Variants in SLF1 observed in about 807,000 individuals in gnomAD.
The protein encoded by SLF1 is SMC5/6 complex localization factor 1, also known as SMC5-SMC6 complex localization factor protein 1.
A neutral mutation model predicts 123.0 loss-of-function variants in SLF1; 105 were observed. The ratio of observed to expected loss-of-function variants is 0.85; its 90% CI spans 0.73 to 1.00. The LOEUF is 1.00. Among genes scored for constraint, SLF1 ranks in the 50% least tolerant of loss-of-function variants. The pLI is 0.00. For missense variants in SLF1, 1,239 were observed against 1,223.0 expected (o/e 1.01, Z -0.20); for synonymous variants, 434 against 406.6 (o/e 1.07, Z -0.81).
At chr5:94,639,615 T>C (rs964322440) in intron 4 of SLF1, among the ~76,000 whole-genome samples, 3 of 152,206 alleles carry the variant, frequency 2.0e-5, no homozygotes, top group African/African-American at 4.8e-5. Flanking sequence ...CATGTATAAC[T>C]TGACTCCCCA....
chr5:94,685,007 G>A (rs1244591436), intron 15 of SLF1, among the ~76,000 whole-genome samples: 1 of 152,226 alleles, frequency 6.6e-6, no homozygotes, highest in Admixed American at 6.5e-5. Context: ...GATGCCAATA[G>A]CATCCCTTTC....
chr5:94,663,650 A>G, intron 10 of SLF1, 100 bp from the exon 11 acceptor site: 1 of 1,071,052 alleles, frequency 9.3e-7, no homozygotes, highest in South Asian at 1.8e-5. Flanking sequence ...GTCTCAAATG[A>G]ATGAATGAAT....
Position 94,671,009 on chromosome 5 carries a change from G to A in SLF1, c.1827+1G>A. 1 of 1,515,568 alleles carries A rather than the reference G, an allele frequency of 6.6e-7. No individual in the cohort carries two copies. The allele number at this position is 1,515,568 out of a possible 1,614,324, so 93.9% of individuals were successfully genotyped here. ...CAAGGAAAAATTCAAGTCTAATGAT[G>A]TAAGTAGGATTAATTTATAGATGAA... On this transcript the variant is annotated splice_donor_variant, in intron 14 of 20. Coordinates refer to ENST00000265140, the MANE Select transcript of SLF1 (RefSeq NM_032290.4). LOFTEE classifies it high-confidence loss of function.
At chr5:94,634,072 G>T (rs1745490955) in intron 4 of SLF1, among the ~76,000 whole-genome samples, 1 of 151,886 alleles carries the variant, frequency 6.6e-6, no homozygotes, top group South Asian at 2.1e-4. Flanking sequence ...TTGACCCATT[G>T]ATTATTTACA....
chr5:94,628,499 A>G (rs145871668), intron 1 of SLF1, among the ~76,000 whole-genome samples: 387 of 152,346 alleles, frequency 2.5e-3, no homozygotes, highest in South Asian at 4.3e-3. Context: ...ATAACATTCT[A>G]TCATTTTCTG....
intron 9 of SLF1, among the ~76,000 whole-genome samples, chr5:94,657,590 T>A (rs545850688): frequency 2.0e-5 from 3 of 152,066 alleles, no homozygotes; most frequent in Non-Finnish European, 4.4e-5. Flanking sequence ...CAATGTCTGT[T>A]TTTTGATTTT....
chr5:94,633,313 C>G (rs1011401279), intron 4 of SLF1, among the ~76,000 whole-genome samples: 28 of 152,246 alleles, frequency 1.8e-4, no homozygotes, highest in African/African-American at 6.5e-4. Context: ...AATGTTAAAC[C>G]AAACTTGTAT....
chr5:94,649,452 A>G lies in SLF1; in HGVS notation c.595-2A>G. 1 of 1,492,654 alleles carries G rather than the reference A, an allele frequency of 6.7e-7. No individual in the cohort carries two copies. Among genetic ancestry groups the G allele is most frequent in the Non-Finnish European group, 9.0e-7 (1 of 1,107,940 alleles). 92.5% of individuals were successfully genotyped at this position (1,492,654 alleles called of 1,614,324 possible). A position where few individuals can be genotyped will look rare whatever the true frequency, so the allele number is the denominator to read the frequency against. ...GCCTAAACCATTTTTACATACATAC[A>G]GAAAGAAATTCAGAATGATGAAGAT... On this transcript the variant is annotated splice_acceptor_variant, in intron 5 of 20. Transcript: ENST00000265140. LOFTEE classifies it high-confidence loss of function.
intron 7 of SLF1, 90 bp from the exon 8 acceptor site, chr5:94,653,182 T>C: frequency 2.4e-6 from 3 of 1,247,696 alleles, no homozygotes; most frequent in Non-Finnish European, 3.3e-6. Flanking sequence ...TTAATGTGTA[T>C]GAAAGTATGA....
chr5:94,631,136 A>G (rs977892250), intron 4 of SLF1, among the ~76,000 whole-genome samples: 7 of 151,622 alleles, frequency 4.6e-5, no homozygotes, highest in African/African-American at 1.5e-4. Flanking sequence ...TTTCATCATA[A>G]TTTTATTTCA....
intron 4 of SLF1, among the ~76,000 whole-genome samples, chr5:94,640,545 TATG>T (rs1352552126): frequency 6.6e-6 from 1 of 152,178 alleles, no homozygotes; most frequent in Non-Finnish European, 1.5e-5. Context: ...TTTTATTAAA[TATG>T]ATACTCTCCA....
At chr5:94,661,747 G>C (rs935515777) in intron 9 of SLF1, among the ~76,000 whole-genome samples, 2 of 152,070 alleles carry the variant, frequency 1.3e-5, no homozygotes. Context: ...ATGTTGGCCA[G>C]GCTGTTCTCA....
intron 14 of SLF1, among the ~76,000 whole-genome samples, chr5:94,673,482 C>A (rs61136862): frequency 6.6e-6 from 1 of 151,912 alleles, no homozygotes; most frequent in Admixed American, 6.6e-5. Context: ...CAAGACCAGT[C>A]TGAGCAACAT....
At chr5:94,679,117 G>A (rs1751456930) in intron 15 of SLF1, among the ~76,000 whole-genome samples, 162 bp downstream of exon 15, 1 of 152,156 alleles carries the variant, frequency 6.6e-6, no homozygotes, top group Non-Finnish European at 1.5e-5. Context: ...ACAATATAAA[G>A]AGGAAGATTT....
chr5:94,650,294 C>G (rs1182536773), intron 6 of SLF1, among the ~76,000 whole-genome samples: 3 of 150,832 alleles, frequency 2.0e-5, no homozygotes, highest in African/African-American at 7.3e-5. Context: ...AGAAGAAATT[C>G]AAAATAAATT....
At chr5:94,662,164 T>C (rs1249728181) in intron 9 of SLF1, 134 bp from the exon 10 acceptor site, 6 of 565,548 alleles carry the variant, frequency 1.1e-5, no homozygotes, top group Non-Finnish European at 1.7e-5. Flanking sequence ...TGAGTAAATA[T>C]GAGTATCATA....
chr5:94,630,075 A>G (rs2152466838), intron 3 of SLF1, among the ~76,000 whole-genome samples: 1 of 152,358 alleles, frequency 6.6e-6, no homozygotes, highest in South Asian at 2.1e-4. Flanking sequence ...ACAATATTGG[A>G]AAAGCTGTTA....
intron 15 of SLF1, among the ~76,000 whole-genome samples, chr5:94,680,538 C>A (rs923896935): frequency 1.3e-5 from 2 of 152,190 alleles, no homozygotes; most frequent in Non-Finnish European, 2.9e-5. Context: ...AACAGAATTT[C>A]CTGTTTTCAT....
At chr5:94,623,339 A>G (rs1010725443) in intron 1 of SLF1, among the ~76,000 whole-genome samples, 3 of 152,140 alleles carry the variant, frequency 2.0e-5, no homozygotes, top group Non-Finnish European at 2.9e-5. Flanking sequence ...CAAGGTAAGT[A>G]ACTAATTTTT....
Sources: allele counts gnomAD v4.1 joint callset (sites outside exome capture counted in the v4.1 genomes callset), GRCh38; gene constraint gnomAD v4.1.1; transcripts MANE v1.5; gene names NCBI Gene and HGNC (gene_info 2026-07-23, HGNC 2026-07-21).